EPHA3: variants seen among roughly 807,000 people sequenced by gnomAD.
The protein encoded by EPHA3 is EPH receptor A3, also known as ephrin type-A receptor 3.
Under a neutral mutation model 107.1 loss-of-function variants are expected in EPHA3, and 42 were observed. That is an observed-to-expected ratio of 0.39 (90% confidence interval 0.31 to 0.51). The LOEUF (loss-of-function observed/expected upper bound fraction) is 0.51, where lower values mean the gene tolerates loss of function less well. Among genes scored for constraint, EPHA3 ranks in the 20% least tolerant of loss-of-function variants. The pLI is 0.78. For missense variants in EPHA3, 1,183 were observed against 1,211.2 expected (o/e 0.98, Z 0.35); for synonymous variants, 461 against 424.8 (o/e 1.09, Z -1.05).
At chr3:89,320,553 T>C (rs1707018915) in intron 3 of EPHA3, among the ~76,000 whole-genome samples, 1 of 152,000 alleles carries the variant, frequency 6.6e-6, no homozygotes, top group African/African-American at 2.4e-5. Flanking sequence ...TGAAGAACTC[T>C]ATTTACTCTA....
intron 3 of EPHA3, among the ~76,000 whole-genome samples, chr3:89,307,618 A>T (rs1003026536): frequency 3.9e-5 from 6 of 152,126 alleles, no homozygotes; most frequent in African/African-American, 1.4e-4. Flanking sequence ...GCTGAAGTGC[A>T]GTGGCGCAAT....
chr3:89,111,857 C>T (rs145287282), intron 1 of EPHA3, among the ~76,000 whole-genome samples: 1,865 of 152,120 alleles, frequency 0.012, 38 homozygotes, highest in African/African-American at 0.039. Context: ...CATACTATTC[C>T]AGTCCTTGTC....
intron 5 of EPHA3, among the ~76,000 whole-genome samples, chr3:89,392,859 A>T (rs1467483809): frequency 1.4e-5 from 2 of 147,394 alleles, no homozygotes; most frequent in African/African-American, 5.4e-5. Flanking sequence ...CACAGCACAT[A>T]AAAAAATCGA....
At chr3:89,229,085 A>G (rs1704567752) in intron 3 of EPHA3, among the ~76,000 whole-genome samples, 1 of 151,952 alleles carries the variant, frequency 6.6e-6, no homozygotes. Context: ...TTTTTCTGAA[A>G]TCTTGCTAAG....
intron 3 of EPHA3, among the ~76,000 whole-genome samples, chr3:89,306,925 T>C (rs1168757436): frequency 2.0e-5 from 3 of 152,144 alleles, no homozygotes; most frequent in Non-Finnish European, 2.9e-5. Flanking sequence ...TAAAGAAAAA[T>C]GTCTCAGAAT....
At chr3:89,426,678 G>A (rs1011873324) in intron 11 of EPHA3, among the ~76,000 whole-genome samples, 2 of 151,842 alleles carry the variant, frequency 1.3e-5, no homozygotes, top group Non-Finnish European at 2.9e-5. Context: ...GGAGTGATAA[G>A]TAAAGGTCTG....
At chr3:89,355,154 T>C (rs1707917627) in intron 5 of EPHA3, among the ~76,000 whole-genome samples, 1 of 151,172 alleles carries the variant, frequency 6.6e-6, no homozygotes. Flanking sequence ...CACAAGTTTT[T>C]CCTAGGAAAT....
At chr3:89,403,570 G>A (rs1251640890) in intron 7 of EPHA3, among the ~76,000 whole-genome samples, 1 of 152,140 alleles carries the variant, frequency 6.6e-6, no homozygotes, top group Non-Finnish European at 1.5e-5. Flanking sequence ...TAGCATGAAG[G>A]TAGCTTCCAC....
At chr3:89,326,315 C>A (rs1707165778) in intron 3 of EPHA3, among the ~76,000 whole-genome samples, 1 of 152,090 alleles carries the variant, frequency 6.6e-6, no homozygotes, top group South Asian at 2.1e-4. Flanking sequence ...AATGTAAATG[C>A]TAATAAGTGG....
In EPHA3 at chr3:89,304,661, T is replaced by C. The variant is rs191425295; in HGVS notation, c.815-36255T>C. ...AAATATTCCATTCACATATCCCTTC[T>C]TTATCTTCCCAGTGTATTTTTCATT... On this transcript the variant is annotated intron_variant, in intron 3 of 16. Transcript: ENST00000336596. Among the ~76,000 whole-genome samples the C allele has an allele frequency of 2.0e-3, 297 of 152,264 alleles. 1 individual carries two copies. The highest frequency in any genetic ancestry group is 6.6e-3 in the African/African-American group (273 of 41,568).
At chr3:89,193,308 A>G (rs1363131638) in intron 2 of EPHA3, among the ~76,000 whole-genome samples, 1 of 152,014 alleles carries the variant, frequency 6.6e-6, no homozygotes, top group East Asian at 1.9e-4. Flanking sequence ...TTGCTCTGAT[A>G]AGCTACAAGT....
At chr3:89,445,199 G>C (rs1386315232) in intron 13 of EPHA3, among the ~76,000 whole-genome samples, 3 of 152,108 alleles carry the variant, frequency 2.0e-5, no homozygotes, top group African/African-American at 7.2e-5. Flanking sequence ...CTGAGAGGGG[G>C]AGGTTGCAGT....
chr3:89,187,464 G>C (rs112822672), intron 2 of EPHA3, among the ~76,000 whole-genome samples: 4,885 of 150,702 alleles, frequency 0.032, 260 homozygotes, highest in African/African-American at 0.11. Flanking sequence ...CTTATTTAAT[G>C]TGTATTAATA....
chr3:89,266,380 C>A (rs1430070874), intron 3 of EPHA3, among the ~76,000 whole-genome samples: 1 of 152,110 alleles, frequency 6.6e-6, no homozygotes, highest in Non-Finnish European at 1.5e-5. Flanking sequence ...TTGAAGCCAG[C>A]TTAGTTCCCA....
At chr3:89,473,566 G>A (rs1710448843) in intron 16 of EPHA3, among the ~76,000 whole-genome samples, 1 of 152,132 alleles carries the variant, frequency 6.6e-6, no homozygotes, top group South Asian at 2.1e-4. Flanking sequence ...TCTGCACAGT[G>A]ACATTTTCTG....
chr3:89,284,119 T>TTATATA (rs1706015652), intron 3 of EPHA3, among the ~76,000 whole-genome samples: 1 of 152,140 alleles, frequency 6.6e-6, no homozygotes, highest in Non-Finnish European at 1.5e-5. Context: ...GAAGTTAGAT[T>TTATATA]TATATCTAAA....
intron 3 of EPHA3, among the ~76,000 whole-genome samples, chr3:89,282,735 A>G (rs181605547): frequency 1.3e-5 from 2 of 152,242 alleles, no homozygotes; most frequent in Non-Finnish European, 2.9e-5. Flanking sequence ...GAACTGGGTT[A>G]TTGAATCATG....
At chr3:89,352,186 A>G (rs762084146) in intron 5 of EPHA3, among the ~76,000 whole-genome samples, 4 of 151,232 alleles carry the variant, frequency 2.6e-5, no homozygotes, top group Non-Finnish European at 5.9e-5. Flanking sequence ...AGACAGAATG[A>G]CCTCTATTAT....
At chr3:89,273,430 C>A (rs1023189977) in intron 3 of EPHA3, among the ~76,000 whole-genome samples, 5 of 151,804 alleles carry the variant, frequency 3.3e-5, no homozygotes, top group African/African-American at 7.2e-5. Flanking sequence ...TTTCTTTTTG[C>A]CCATTTCCAT....
Sources: gnomAD v4.1 joint callset for allele counts (sites outside exome capture counted in the v4.1 genomes callset) on GRCh38, gnomAD v4.1.1 for gene constraint, MANE v1.5 for transcripts, NCBI Gene and HGNC (gene_info 2026-07-23, HGNC 2026-07-21) for gene names.